Variants in AUTS2 observed in about 807,000 individuals in gnomAD.
AUTS2 encodes autism susceptibility gene 2 protein.
AUTS2 carries 17 observed loss-of-function variants against 112.4 expected under a neutral mutation model. The observed-to-expected ratio is 0.15, with a 90% CI of 0.10 to 0.23. The LOEUF is 0.23. Among genes scored for constraint, AUTS2 ranks in the 10% least tolerant of loss-of-function variants. The probability of loss-of-function intolerance (pLI) is 1.00; values close to 1 mark genes in which losing one functional copy is unlikely to be tolerated. For missense variants in AUTS2, 1,510 were observed against 1,701.6 expected (o/e 0.89, Z 1.98); for synonymous variants, 751 against 702.7 (o/e 1.07, Z -1.09).
chr7:70,605,546 C>CTTTTTTTTTTTTTTTTTTTTTT, intron 5 of AUTS2, among the ~76,000 whole-genome samples: 75 of 70,678 alleles, frequency 1.1e-3, no homozygotes, highest in African/African-American at 1.5e-3. Flanking sequence ...CCTTCTTTCT[C>CTTTTTTTTTTTTTTTTTTTTTT]TTTTTTTTTT....
chr7:69,683,030 C>A (rs1336043416), intron 1 of AUTS2, among the ~76,000 whole-genome samples: 1 of 152,178 alleles, frequency 6.6e-6, no homozygotes, highest in Non-Finnish European at 1.5e-5. Flanking sequence ...AAGAAAACAG[C>A]TCCACCGTAC....
intron 5 of AUTS2, among the ~76,000 whole-genome samples, chr7:70,684,697 G>C (rs1291884517): frequency 6.6e-6 from 1 of 152,002 alleles, no homozygotes. Context: ...TGGTGGGGAT[G>C]GACAGTGGGA....
chr7:70,479,868 G>A (rs1797721757), intron 5 of AUTS2, among the ~76,000 whole-genome samples: 1 of 152,230 alleles, frequency 6.6e-6, no homozygotes, highest in African/African-American at 2.4e-5. Context: ...AAACCAAGGT[G>A]TGAGAGTGTG....
chr7:69,680,431 CATT>C (rs1796739836), intron 1 of AUTS2, among the ~76,000 whole-genome samples: 1 of 152,256 alleles, frequency 6.6e-6, no homozygotes, highest in East Asian at 1.9e-4. Context: ...CACGCATTAT[CATT>C]GTTGTTTTTT....
intron 5 of AUTS2, among the ~76,000 whole-genome samples, chr7:70,545,137 T>C (rs1800719169): frequency 6.6e-6 from 1 of 152,186 alleles, no homozygotes; most frequent in African/African-American, 2.4e-5. Flanking sequence ...CTAGAAGAAC[T>C]GTCCAAATCA....
intron 5 of AUTS2, among the ~76,000 whole-genome samples, chr7:70,478,554 C>G (rs985970576): frequency 1.3e-5 from 2 of 152,170 alleles, no homozygotes; most frequent in Non-Finnish European, 2.9e-5. Flanking sequence ...TTTACATTTA[C>G]CCAGACCACT....
rs1656708550 is a variant in AUTS2, at chr7:69,766,473, A to G, written c.310-132813A>G. On this transcript the variant is annotated intron_variant, in intron 1 of 18. Coordinates refer to ENST00000342771, the MANE Select transcript of AUTS2 (RefSeq NM_015570.4). ...ATTTTGAATATATACCCAAAGTGGA[A>G]TTACTGGATCATATGGTAATTCTAT... 2.0e-5 allele frequency among the ~76,000 whole-genome samples: 3 copies of G among 152,234 alleles called. 1 individual carries two copies. Among genetic ancestry groups the G allele is most frequent in the Non-Finnish European group, 4.4e-5 (3 of 68,040 alleles).
At chr7:69,688,975 A>C (rs1797180200) in intron 1 of AUTS2, among the ~76,000 whole-genome samples, 1 of 152,216 alleles carries the variant, frequency 6.6e-6, no homozygotes, top group Admixed American at 6.5e-5. Context: ...CATATAGATA[A>C]TTTGATTTTC....
intron 5 of AUTS2, among the ~76,000 whole-genome samples, chr7:70,616,591 T>G (rs563561386): frequency 6.6e-6 from 1 of 152,294 alleles, no homozygotes; most frequent in East Asian, 1.9e-4. Context: ...GAGTCCCCAG[T>G]GCCTGACACT....
At chr7:70,679,369 G>C (rs903752257) in intron 5 of AUTS2, among the ~76,000 whole-genome samples, 1 of 152,188 alleles carries the variant, frequency 6.6e-6, no homozygotes, top group Non-Finnish European at 1.5e-5. Context: ...GGAGACAGCT[G>C]GTGCTTCTTA....
chr7:69,664,773 C>T (rs1033667423), intron 1 of AUTS2, among the ~76,000 whole-genome samples: 6 of 152,126 alleles, frequency 3.9e-5, no homozygotes, highest in Admixed American at 6.5e-5. Context: ...AAGAGGTTAA[C>T]GATATAACAT....
intron 2 of AUTS2, among the ~76,000 whole-genome samples, chr7:70,115,931 A>G (rs1280656266): frequency 6.6e-6 from 1 of 152,172 alleles, no homozygotes; most frequent in Non-Finnish European, 1.5e-5. Context: ...AAGGGTGAAC[A>G]TTCCAGAGGG....
At chr7:69,656,747 G>A (rs1428265304) in intron 1 of AUTS2, among the ~76,000 whole-genome samples, 1 of 152,138 alleles carries the variant, frequency 6.6e-6, no homozygotes, top group Non-Finnish European at 1.5e-5. Context: ...ATGTGAATTT[G>A]ATGTTGGATC....
At chr7:70,309,164 T>C (rs1309923970) in intron 4 of AUTS2, among the ~76,000 whole-genome samples, 1 of 152,212 alleles carries the variant, frequency 6.6e-6, no homozygotes, top group East Asian at 1.9e-4. Flanking sequence ...ATTAGTGGGG[T>C]CAGTTCCTGT....
chr7:70,689,198 A>G (rs537800651), intron 5 of AUTS2, among the ~76,000 whole-genome samples: 1 of 151,932 alleles, frequency 6.6e-6, no homozygotes, highest in Non-Finnish European at 1.5e-5. Context: ...CTCTAGAAAA[A>G]AATTTTTAAA....
intron 1 of AUTS2, among the ~76,000 whole-genome samples, chr7:69,834,334 T>C (rs1365775022): frequency 6.6e-6 from 1 of 152,184 alleles, no homozygotes; most frequent in East Asian, 1.9e-4. Flanking sequence ...TCTTCTATAC[T>C]CCAGGTTGAT....
intron 2 of AUTS2, among the ~76,000 whole-genome samples, chr7:69,909,034 A>AT: frequency 6.6e-6 from 1 of 152,202 alleles, no homozygotes; most frequent in East Asian, 1.9e-4. Context: ...CAGGAGCCAT[A>AT]TTTTTAAATA....
chr7:70,134,989 G>A (rs1388665603), intron 4 of AUTS2, among the ~76,000 whole-genome samples: 1 of 152,076 alleles, frequency 6.6e-6, no homozygotes. Context: ...CTTTTTTGGT[G>A]GGGAGGACGG....
chr7:69,768,458 T>G (rs1788524000), intron 1 of AUTS2, among the ~76,000 whole-genome samples: 1 of 152,134 alleles, frequency 6.6e-6, no homozygotes, highest in Non-Finnish European at 1.5e-5. Context: ...GTGTAGCCTG[T>G]GAGTGTATAT....
Sources: gnomAD v4.1 joint callset for allele counts (sites outside exome capture counted in the v4.1 genomes callset) on GRCh38, gnomAD v4.1.1 for gene constraint, MANE v1.5 for transcripts, NCBI Gene and HGNC (gene_info 2026-07-23, HGNC 2026-07-21) for gene names.